The following FRAS1 variants were observed in gnomAD, a reference collection of about 807,000 sequenced individuals.
FRAS1 encodes the protein extracellular matrix organizing protein FRAS1.
Under a neutral mutation model 435.2 loss-of-function variants are expected in FRAS1, and 290 were observed. That is an observed-to-expected ratio of 0.67 (90% CI 0.61 to 0.73). The LOEUF is 0.73. Among genes scored for constraint, FRAS1 ranks in the 30% least tolerant of loss-of-function variants. The probability of loss-of-function intolerance (pLI) is 0.00; values close to 1 mark genes in which losing one functional copy is unlikely to be tolerated. For missense variants in FRAS1, 4,860 were observed against 5,001.5 expected, an observed-to-expected ratio of 0.97 and a Z score of 0.85; for synonymous variants, 1,800 against 1,851.0, an observed-to-expected ratio of 0.97 and a Z score of 0.71.
intron 14 of FRAS1, among the ~76,000 whole-genome samples, chr4:78,303,187 T>G (rs974964437): frequency 2.6e-5 from 4 of 152,212 alleles, no homozygotes; most frequent in African/African-American, 9.7e-5. Context: ...GCATTATTTC[T>G]GAGGGCTCTG....
intron 35 of FRAS1, among the ~76,000 whole-genome samples, chr4:78,426,040 T>G (rs1351870314): frequency 3.3e-5 from 5 of 152,092 alleles, no homozygotes; most frequent in Non-Finnish European, 7.4e-5. Flanking sequence ...CAGTGAGACA[T>G]CATTGTGCCA....
intron 4 of FRAS1, among the ~76,000 whole-genome samples, chr4:78,251,863 G>C (rs1017053824): frequency 6.6e-6 from 1 of 152,044 alleles, no homozygotes; most frequent in Non-Finnish European, 1.5e-5. Context: ...TTTCCTGCTT[G>C]TCCTCCCTGT....
chr4:78,402,593 C>T (rs1204539481), intron 30 of FRAS1, among the ~76,000 whole-genome samples: 1 of 152,082 alleles, frequency 6.6e-6, no homozygotes, highest in Non-Finnish European at 1.5e-5. Context: ...TACCCTTATC[C>T]TCCCCTAATG....
intron 14 of FRAS1, among the ~76,000 whole-genome samples, chr4:78,293,792 C>T (rs569203794): frequency 6.6e-6 from 1 of 152,290 alleles, no homozygotes; most frequent in Non-Finnish European, 1.5e-5. Context: ...GGGAAAACAG[C>T]TGGTGGTGTT....
intron 67 of FRAS1, among the ~76,000 whole-genome samples, chr4:78,519,793 C>G (rs1354207630): frequency 6.6e-6 from 1 of 152,156 alleles, no homozygotes; most frequent in Non-Finnish European, 1.5e-5. Flanking sequence ...AAATGATTTT[C>G]ATTTTCTCCT....
chr4:78,238,869 A>C (rs1325831833), intron 3 of FRAS1, among the ~76,000 whole-genome samples: 1 of 152,222 alleles, frequency 6.6e-6, no homozygotes, highest in African/African-American at 2.4e-5. Flanking sequence ...AGGGGTTAGC[A>C]GACTAAATCT....
At chr4:78,112,441 C>G (rs1742792515) in intron 2 of FRAS1, among the ~76,000 whole-genome samples, 1 of 151,982 alleles carries the variant, frequency 6.6e-6, no homozygotes, top group Admixed American at 6.6e-5. Context: ...GTGAGCTTTT[C>G]TGTTAGGTGA....
chr4:78,124,528 G>A (rs1057152936), intron 2 of FRAS1, among the ~76,000 whole-genome samples: 4 of 152,196 alleles, frequency 2.6e-5, no homozygotes, highest in African/African-American at 9.7e-5. Context: ...CTATTGATCA[G>A]AATAGTTTCA....
At chr4:78,227,580 G>A (rs1724330245) in intron 2 of FRAS1, among the ~76,000 whole-genome samples, 2 of 152,224 alleles carry the variant, frequency 1.3e-5, no homozygotes, top group African/African-American at 2.4e-5. Context: ...TTAGTGGATG[G>A]CCAGTTTAAA....
At chr4:78,499,549 G>A (rs1241783761) in intron 60 of FRAS1, among the ~76,000 whole-genome samples, 172 bp from the exon 61 acceptor site, 2 of 152,168 alleles carry the variant, frequency 1.3e-5, no homozygotes, top group African/African-American at 4.8e-5. Flanking sequence ...TTTTTCCAAA[G>A]CATTGTTTAG....
intron 23 of FRAS1, 87 bp downstream of exon 23, chr4:78,370,071 C>A (rs953268983): frequency 1.6e-6 from 2 of 1,272,400 alleles, no homozygotes; most frequent in Non-Finnish European, 1.1e-6. Flanking sequence ...ATTGGGAAAA[C>A]ACCAGTCATC....
At chr4:78,135,372 T>C (rs750535394) in intron 2 of FRAS1, among the ~76,000 whole-genome samples, 4 of 152,244 alleles carry the variant, frequency 2.6e-5, no homozygotes, top group Non-Finnish European at 4.4e-5. Context: ...TATTTATTGC[T>C]ACTGGCCTGT....
chr4:78,185,226 C>T (rs1441213164), intron 2 of FRAS1, among the ~76,000 whole-genome samples: 6 of 152,162 alleles, frequency 3.9e-5, no homozygotes, highest in Non-Finnish European at 1.5e-5. Context: ...TAGGTAGGCA[C>T]TTTGTGAGTG....
In FRAS1 at chr4:78,110,350, A is replaced by G; in HGVS notation, c.108+44334A>G. On this transcript the variant is annotated intron_variant, in intron 2 of 73. Transcript: ENST00000512123. The stretch of plus-strand genomic sequence containing the variant: ...GCATCACACTACCTGAGTTCAAACT[A>G]TAATACAAGGCTACAGTAACCAAAA... Among the ~76,000 whole-genome samples the G allele has an allele frequency of 1.6e-5, 2 of 128,974 alleles. 1 individual carries two copies. The highest frequency in any genetic ancestry group is 3.3e-5 in the Non-Finnish European group (2 of 61,490). The allele number at this position is 128,974 out of a possible 152,430, so 84.6% of individuals were successfully genotyped here. A position where few individuals can be genotyped will look rare whatever the true frequency, so the allele number is the denominator to read the frequency against.
chr4:78,408,083 C>T (rs951449930), intron 31 of FRAS1, among the ~76,000 whole-genome samples: 3 of 151,984 alleles, frequency 2.0e-5, no homozygotes, highest in East Asian at 1.9e-4. Flanking sequence ...CAGTGGAAAG[C>T]GAAAGACATG....
At chr4:78,059,641 A>G (rs573905195) in intron 1 of FRAS1, among the ~76,000 whole-genome samples, 12 of 151,962 alleles carry the variant, frequency 7.9e-5, no homozygotes, top group Non-Finnish European at 5.9e-5. Flanking sequence ...TAAAATTTAG[A>G]GTCCTATCCC....
chr4:78,432,731 C>A, intron 38 of FRAS1, 127 bp downstream of exon 38: 2 of 1,071,428 alleles, frequency 1.9e-6, no homozygotes, highest in Non-Finnish European at 2.6e-6. Context: ...ACATTTTTCT[C>A]AGCTTCCCTA....
chr4:78,160,857 G>T (rs1163845528), intron 2 of FRAS1, among the ~76,000 whole-genome samples: 1 of 152,146 alleles, frequency 6.6e-6, no homozygotes, highest in South Asian at 2.1e-4. Flanking sequence ...AAAAAGATGG[G>T]CTGGGCACAG....
At chr4:78,309,871 A>T (rs1391726854) in intron 15 of FRAS1, among the ~76,000 whole-genome samples, 1 of 152,060 alleles carries the variant, frequency 6.6e-6, no homozygotes, top group African/African-American at 2.4e-5. Context: ...TTTCATAGCT[A>T]AGTCCACCAA....
Sources: gnomAD v4.1 joint callset for allele counts (sites outside exome capture counted in the v4.1 genomes callset) on GRCh38, gnomAD v4.1.1 for gene constraint, MANE v1.5 for transcripts, NCBI Gene and HGNC (gene_info 2026-07-23, HGNC 2026-07-21) for gene names.